Variants in MPPED2 observed in about 807,000 individuals in gnomAD.
The protein encoded by MPPED2 is metallophosphoesterase domain containing 2.
A neutral mutation model predicts 33.0 loss-of-function variants in MPPED2; 5 were observed. The ratio of observed to expected loss-of-function variants is 0.15; its 90% CI spans 0.08 to 0.32. The LOEUF is 0.32. MPPED2 is among the 10% of genes least tolerant of loss of function. MPPED2 has a pLI of 1.00. For missense variants in MPPED2, 275 were observed against 372.1 expected, an observed-to-expected ratio of 0.74 and a Z score of 2.15; for synonymous variants, 136 against 141.9, an observed-to-expected ratio of 0.96 and a Z score of 0.29.
chr11:30,541,083 T>C (rs989794837), intron 2 of MPPED2, among the ~76,000 whole-genome samples: 79 of 152,102 alleles, frequency 5.2e-4, no homozygotes, highest in African/African-American at 1.9e-3. Context: ...GCTGAACAAA[T>C]TGGCAGATTT....
intron 5 of MPPED2, among the ~76,000 whole-genome samples, chr11:30,414,853 G>T (rs10767843): frequency 0.13 from 19,632 of 152,182 alleles, 1,294 homozygotes; most frequent in Admixed American, 0.19. Context: ...GCTTTGGAAA[G>T]CTAGGTTGCT....
chr11:30,509,785 A>T (rs1286096595), intron 3 of MPPED2, among the ~76,000 whole-genome samples: 2 of 152,182 alleles, frequency 1.3e-5, no homozygotes, highest in Non-Finnish European at 2.9e-5. Flanking sequence ...GAGTCCTCAG[A>T]GATTTGAATC....
At chr11:30,569,249 C>T (rs927144568) in intron 2 of MPPED2, among the ~76,000 whole-genome samples, 1 of 152,016 alleles carries the variant, frequency 6.6e-6, no homozygotes, top group Non-Finnish European at 1.5e-5. Flanking sequence ...ATTTCCCTTC[C>T]GAATTCTCAG....
intron 2 of MPPED2, among the ~76,000 whole-genome samples, chr11:30,542,376 G>A (rs1015342357): frequency 1.3e-5 from 2 of 150,618 alleles, no homozygotes; most frequent in African/African-American, 4.9e-5. Context: ...CACTTTGGGA[G>A]GCTAAGGTGG....
intron 2 of MPPED2, among the ~76,000 whole-genome samples, chr11:30,543,601 C>T (rs1218944434): frequency 6.6e-6 from 1 of 152,064 alleles, no homozygotes; most frequent in East Asian, 1.9e-4. Context: ...CATCCACATC[C>T]ATCCACATAT....
At chr11:30,459,856 G>T (rs1286390968) in intron 4 of MPPED2, among the ~76,000 whole-genome samples, 1 of 152,200 alleles carries the variant, frequency 6.6e-6, no homozygotes, top group Non-Finnish European at 1.5e-5. Context: ...CCCAAAGGTG[G>T]CAACTGTTTT....
At chr11:30,449,776 T>C (rs1008750376) in intron 4 of MPPED2, among the ~76,000 whole-genome samples, 1 of 152,198 alleles carries the variant, frequency 6.6e-6, no homozygotes, top group East Asian at 1.9e-4. Context: ...TAAAGAGAGA[T>C]ACCCTATCAT....
chr11:30,457,240 G>A (rs997965836), intron 4 of MPPED2, among the ~76,000 whole-genome samples: 26 of 152,134 alleles, frequency 1.7e-4, no homozygotes, highest in African/African-American at 6.0e-4. Flanking sequence ...CACAATAAGG[G>A]AGAGGTTTCC....
At chr11:30,440,240 G>C (rs148336540) in intron 4 of MPPED2, among the ~76,000 whole-genome samples, 4,083 of 151,908 alleles carry the variant, frequency 0.027, 93 homozygotes, top group Admixed American at 0.063. Context: ...TCGGGCAGGA[G>C]AATTGCTTGA....
At chr11:30,512,813 C>G (rs1953296494) in intron 3 of MPPED2, among the ~76,000 whole-genome samples, 2 of 152,232 alleles carry the variant, frequency 1.3e-5, no homozygotes, top group South Asian at 4.1e-4. Context: ...CCAGCCTGGT[C>G]AATATGGTGA....
intron 4 of MPPED2, among the ~76,000 whole-genome samples, chr11:30,474,264 C>T (rs1460727576): frequency 6.6e-6 from 1 of 152,072 alleles, no homozygotes; most frequent in Non-Finnish European, 1.5e-5. Context: ...TGGCCATGGT[C>T]CTTGGAAAAA....
chr11:30,480,243 A>T (rs1482227703), intron 4 of MPPED2, among the ~76,000 whole-genome samples: 2 of 152,122 alleles, frequency 1.3e-5, no homozygotes, highest in East Asian at 1.9e-4. Context: ...AACAGCCTAG[A>T]CGCTCTGCAT....
chr11:30,571,751 TAG>T (rs1956704112), intron 2 of MPPED2, among the ~76,000 whole-genome samples: 1 of 152,212 alleles, frequency 6.6e-6, no homozygotes, highest in South Asian at 2.1e-4. Context: ...CAGAATAATC[TAG>T]AGTTTGCTGT....
chr11:30,447,014 A>C (rs1949842022), intron 4 of MPPED2, among the ~76,000 whole-genome samples: 1 of 152,198 alleles, frequency 6.6e-6, no homozygotes, highest in Admixed American at 6.5e-5. Flanking sequence ...GGGAAAGAAA[A>C]GCTGTGGAAA....
At chr11:30,492,065 T>C (rs1456141263) in intron 4 of MPPED2, among the ~76,000 whole-genome samples, 2 of 152,234 alleles carry the variant, frequency 1.3e-5, no homozygotes, top group Non-Finnish European at 2.9e-5. Flanking sequence ...GCTTATTTTC[T>C]TGACTTTGCT....
intron 2 of MPPED2, among the ~76,000 whole-genome samples, chr11:30,571,423 TC>T (rs1956685635): frequency 1.3e-5 from 2 of 152,254 alleles, no homozygotes; most frequent in Admixed American, 1.3e-4. Context: ...CAGAGTTTCC[TC>T]TTTGCAGAGT....
At position 30,547,716 on chromosome 11, in the gene MPPED2, AT is replaced by A. The variant is rs1442414884; in HGVS notation, c.129-11542del. ...GATCCATTTGCAAATTAATTTCAGCATTTTTTTATTCCATATAAATTCATGG... is the reference window on the plus strand; with the variant it reads ...GATCCATTTGCAAATTAATTTCAGCATTTTTTATTCCATATAAATTCATGG... On this transcript the variant is annotated intron_variant, in intron 2 of 6. Transcript: ENST00000358117. Among the ~76,000 whole-genome samples the A allele has an allele frequency of 4.6e-5, 7 of 152,302 alleles. No individual in the cohort carries two copies. The East Asian group carries it at 1.2e-3, about 25-fold the overall frequency.
At chr11:30,575,740 C>A (rs1376560767) in intron 2 of MPPED2, among the ~76,000 whole-genome samples, 1 of 152,192 alleles carries the variant, frequency 6.6e-6, no homozygotes, top group African/African-American at 2.4e-5. Flanking sequence ...AGACAGCAAC[C>A]AGTCAGCACT....
intron 2 of MPPED2, among the ~76,000 whole-genome samples, chr11:30,564,220 TTGTC>T (rs1956348096): frequency 2.6e-5 from 4 of 152,152 alleles, no homozygotes; most frequent in Admixed American, 2.6e-4. Context: ...TTCCCTGACT[TTGTC>T]TGCCCTCAGC....
Sources: allele counts gnomAD v4.1 joint callset (sites outside exome capture counted in the v4.1 genomes callset), GRCh38; gene constraint gnomAD v4.1.1; transcripts MANE v1.5; gene names NCBI Gene and HGNC (gene_info 2026-07-23, HGNC 2026-07-21).